The following TMEM135 variants were observed in gnomAD, a reference collection of about 807,000 sequenced individuals.
TMEM135 encodes the protein transmembrane protein 135, also known as peroxisomal membrane protein 52.
In TMEM135, 30 loss-of-function variants were observed where a neutral mutation model predicts 60.3. The observed-to-expected ratio is 0.50, with a 90% CI of 0.37 to 0.68. TMEM135 has a LOEUF of 0.68. Among genes scored for constraint, TMEM135 ranks in the 30% least tolerant of loss-of-function variants. TMEM135 has a pLI of 0.00. For missense variants in TMEM135, 468 were observed against 548.8 expected (o/e 0.85, Z 1.47); for synonymous variants, 190 against 186.7 (o/e 1.02, Z -0.14).
In TMEM135 at chr11:87,283,030, C is replaced by A. The variant is rs961749404; in HGVS notation, c.510-12752C>A. ...GGGGTCAGGATACTCTATAAGTCTT[C>A]AGCTAATCAGAAAATAGTAGCTTCT... On this transcript the variant is annotated intron_variant, in intron 6 of 14. Coordinates refer to ENST00000305494, the MANE Select transcript of TMEM135 (RefSeq NM_022918.4). Among the ~76,000 whole-genome samples, 3 of 152,138 alleles carry A rather than the reference C, an allele frequency of 2.0e-5. 1 individual carries two copies. The highest frequency in any genetic ancestry group is 4.2e-4 in the South Asian group (2 of 4,806).
intron 2 of TMEM135, 98 bp from the exon 3 acceptor site, chr11:87,071,425 T>C: frequency 1.1e-6 from 1 of 893,632 alleles, no homozygotes; most frequent in Non-Finnish European, 1.9e-6. Context: ...GTGTGGTACA[T>C]TTAAATAGAG....
intron 6 of TMEM135, 121 bp downstream of exon 6, chr11:87,236,805 G>T: frequency 1.1e-6 from 1 of 911,202 alleles, no homozygotes; most frequent in Non-Finnish European, 1.8e-6. Context: ...TACTCCCCCC[G>T]CACCCCCGCC....
At chr11:87,098,611 C>A (rs1002395243) in intron 4 of TMEM135, among the ~76,000 whole-genome samples, 9 of 151,854 alleles carry the variant, frequency 5.9e-5, no homozygotes, top group Non-Finnish European at 2.9e-5. Flanking sequence ...ATAATAAATA[C>A]TACAACCTGA....
chr11:87,168,038 G>T (rs1439710912), intron 5 of TMEM135, among the ~76,000 whole-genome samples: 1 of 152,148 alleles, frequency 6.6e-6, no homozygotes, highest in Non-Finnish European at 1.5e-5. Flanking sequence ...TTAGTCTTGG[G>T]AGGGTGTATG....
At chr11:87,271,861 A>G (rs150335073) in intron 6 of TMEM135, among the ~76,000 whole-genome samples, 239 of 152,190 alleles carry the variant, frequency 1.6e-3, no homozygotes, top group African/African-American at 4.4e-3. Context: ...ACCTGAGCTC[A>G]GGAAGTCGAG....
chr11:87,121,797 G>A (rs925996134), intron 4 of TMEM135, among the ~76,000 whole-genome samples: 4 of 152,090 alleles, frequency 2.6e-5, no homozygotes, highest in African/African-American at 7.2e-5. Flanking sequence ...ACGCCACCAA[G>A]CCTGACTAAT....
At chr11:87,290,152 AT>A (rs78364698) in intron 6 of TMEM135, among the ~76,000 whole-genome samples, 49,132 of 152,068 alleles carry the variant, frequency 0.32, 9,438 homozygotes, top group Non-Finnish European at 0.43. Context: ...CAATAAAAAA[AT>A]CTTAGAAATC....
chr11:87,105,383 G>T (rs1857567956), intron 4 of TMEM135, among the ~76,000 whole-genome samples: 1 of 152,128 alleles, frequency 6.6e-6, no homozygotes, highest in African/African-American at 2.4e-5. Flanking sequence ...GATCTAGGTT[G>T]CATGCTTCTT....
chr11:87,207,394 G>A (rs1175372045), intron 5 of TMEM135, among the ~76,000 whole-genome samples: 2 of 152,096 alleles, frequency 1.3e-5, no homozygotes, highest in Non-Finnish European at 2.9e-5. Context: ...GATCTTTGCT[G>A]TATTTGAAAT....
intron 5 of TMEM135, among the ~76,000 whole-genome samples, chr11:87,165,573 T>G (rs1205040990): frequency 2.0e-5 from 3 of 148,526 alleles, no homozygotes; most frequent in Admixed American, 1.3e-4. Context: ...TTAGGGAGGA[T>G]TCCCTCTTTT....
At chr11:87,290,068 G>T (rs1393578495) in intron 6 of TMEM135, among the ~76,000 whole-genome samples, 1 of 152,122 alleles carries the variant, frequency 6.6e-6, no homozygotes, top group Non-Finnish European at 1.5e-5. Context: ...AGATTGCGAA[G>T]AAATATTTTA....
chr11:87,237,083 A>G lies in TMEM135; in HGVS notation c.509+399A>G, dbSNP rs531992650. On this transcript the variant is annotated intron_variant, in intron 6 of 14. Coordinates refer to ENST00000305494, the MANE Select transcript of TMEM135 (RefSeq NM_022918.4). ...TAAGAAAAAATGACAGTAGATCTCT[A>G]TCTAAGCCTTCTGCAAGGATAACCT... Among the ~76,000 whole-genome samples, 318 of 152,106 alleles carry G rather than the reference A, an allele frequency of 2.1e-3. 2 individuals carry two copies. Among genetic ancestry groups the G allele is most frequent in the Non-Finnish European group, 3.3e-3 (226 of 67,918 alleles).
intron 1 of TMEM135, among the ~76,000 whole-genome samples, chr11:87,049,679 AC>A (rs2135113414): frequency 1.0e-5 from 1 of 97,656 alleles, no homozygotes; most frequent in Non-Finnish European, 2.1e-5. Context: ...GTCCTGAGTG[AC>A]CTACAAAGAG....
chr11:87,311,180 AC>A lies in TMEM135; in HGVS notation c.936+1509del, dbSNP rs1193843254. On this transcript the variant is annotated intron_variant, in intron 10 of 14. Coordinates refer to ENST00000305494, the MANE Select transcript of TMEM135 (RefSeq NM_022918.4). The stretch of plus-strand genomic sequence containing the variant: ...TGCAGAGAAAATTAATGATGGGAAA[AC>A]TCAATTCTGGAATTATTTAGGGTAA... Among the ~76,000 whole-genome samples, 16 of 151,498 alleles carry A rather than the reference AC, an allele frequency of 1.1e-4. No individual in the cohort carries two copies. The South Asian group carries it at 3.1e-3, about 30-fold the overall frequency.
At chr11:87,301,755 T>C (rs1052748966) in intron 7 of TMEM135, among the ~76,000 whole-genome samples, 2 of 152,342 alleles carry the variant, frequency 1.3e-5, no homozygotes, top group Middle Eastern at 3.4e-3. Context: ...ATTGTGATAA[T>C]ATTTTCCATT....
chr11:87,103,302 A>G (rs1424076818), intron 4 of TMEM135, among the ~76,000 whole-genome samples: 5 of 152,092 alleles, frequency 3.3e-5, no homozygotes, highest in Non-Finnish European at 7.4e-5. Context: ...ATTCTCACCA[A>G]TAGTGTACAA....
chr11:87,237,670 G>A (rs1941030634), intron 6 of TMEM135, among the ~76,000 whole-genome samples: 1 of 151,876 alleles, frequency 6.6e-6, no homozygotes, highest in Admixed American at 6.6e-5. Context: ...TATCCTTTGT[G>A]TTACAAACAA....
chr11:87,217,454 A>C (rs765209591), intron 5 of TMEM135, among the ~76,000 whole-genome samples: 2 of 152,196 alleles, frequency 1.3e-5, no homozygotes, highest in Non-Finnish European at 2.9e-5. Flanking sequence ...CAATAATGAG[A>C]ACTGACCAAA....
chr11:87,075,015 C>G (rs1411116021), intron 3 of TMEM135, among the ~76,000 whole-genome samples: 1 of 152,146 alleles, frequency 6.6e-6, no homozygotes, highest in Non-Finnish European at 1.5e-5. Flanking sequence ...TCATAGCTCA[C>G]TGCAGCCTCA....
Sources: gnomAD v4.1 joint callset for allele counts (sites outside exome capture counted in the v4.1 genomes callset) on GRCh38, gnomAD v4.1.1 for gene constraint, MANE v1.5 for transcripts, NCBI Gene and HGNC (gene_info 2026-07-23, HGNC 2026-07-21) for gene names.